The following SLX4IP variants were observed in gnomAD, a reference collection of about 807,000 sequenced individuals.
The protein encoded by SLX4IP is SLX4 interacting protein.
SLX4IP carries 34 observed loss-of-function variants against 32.9 expected under a neutral mutation model. That is an observed-to-expected ratio of 1.03 (90% CI 0.79 to 1.38). SLX4IP has a LOEUF of 1.38. SLX4IP is among the 40% of genes most tolerant of loss of function. The probability of loss-of-function intolerance (pLI) is 0.00; values close to 1 mark genes in which losing one functional copy is unlikely to be tolerated. For synonymous variants in SLX4IP, 172 were observed against 171.7 expected (o/e 1.00, Z -0.01); for missense variants, 444 against 479.0 (o/e 0.93, Z 0.68).
At chr20:10,501,142 A>G (rs2065714632) in intron 2 of SLX4IP, among the ~76,000 whole-genome samples, 1 of 152,196 alleles carries the variant, frequency 6.6e-6, no homozygotes, top group Non-Finnish European at 1.5e-5. Flanking sequence ...AGCCATATGT[A>G]CTTACAATGA....
chr20:10,549,976 A>T (rs1397653154), intron 2 of SLX4IP, among the ~76,000 whole-genome samples: 1 of 152,194 alleles, frequency 6.6e-6, no homozygotes, highest in African/African-American at 2.4e-5. Context: ...TAAAATTCAC[A>T]CTCCAGGAAG....
intron 1 of SLX4IP, among the ~76,000 whole-genome samples, chr20:10,441,911 A>G (rs1421813550): frequency 6.6e-6 from 1 of 152,002 alleles, no homozygotes; most frequent in Non-Finnish European, 1.5e-5. Context: ...ATTCCTTGAT[A>G]TTGGTTGTTT....
At chr20:10,615,665 G>T (rs1024820719) in intron 6 of SLX4IP, among the ~76,000 whole-genome samples, 1 of 152,086 alleles carries the variant, frequency 6.6e-6, no homozygotes, top group African/African-American at 2.4e-5. Context: ...CATTTGTGTT[G>T]CTATAACACA....
intron 2 of SLX4IP, among the ~76,000 whole-genome samples, chr20:10,548,924 T>A (rs925990904): frequency 2.6e-5 from 4 of 152,212 alleles, no homozygotes; most frequent in African/African-American, 9.6e-5. Flanking sequence ...TCCAACAGAA[T>A]GACTCTTTAT....
chr20:10,531,446 A>G (rs922524875), intron 2 of SLX4IP, among the ~76,000 whole-genome samples: 4 of 152,176 alleles, frequency 2.6e-5, no homozygotes, highest in South Asian at 2.1e-4. Context: ...TCAGTCTTCT[A>G]TGACTCTTGT....
chr20:10,477,898 C>CTT (rs35993699), intron 2 of SLX4IP, among the ~76,000 whole-genome samples: 4 of 129,848 alleles, frequency 3.1e-5, no homozygotes, highest in East Asian at 2.2e-4. Context: ...TACAATCTCC[C>CTT]TTTTTTTTTT....
intron 4 of SLX4IP, among the ~76,000 whole-genome samples, chr20:10,572,988 C>T (rs1372548315): frequency 6.6e-6 from 1 of 152,202 alleles, no homozygotes; most frequent in Non-Finnish European, 1.5e-5. Flanking sequence ...ATTGCCAAAA[C>T]AAGCAAATTT....
chr20:10,574,437 A>G (rs2066500201), intron 4 of SLX4IP, among the ~76,000 whole-genome samples: 1 of 152,194 alleles, frequency 6.6e-6, no homozygotes, highest in South Asian at 2.1e-4. Flanking sequence ...CATCAGAAAG[A>G]TAATTTTTCC....
intron 2 of SLX4IP, among the ~76,000 whole-genome samples, chr20:10,511,985 G>A (rs559240937): frequency 4.9e-4 from 74 of 152,352 alleles, no homozygotes; most frequent in African/African-American, 1.6e-3. Context: ...GCATACAAAT[G>A]TGAGATTATG....
At chr20:10,495,281 A>G (rs2065657431) in intron 2 of SLX4IP, among the ~76,000 whole-genome samples, 1 of 152,138 alleles carries the variant, frequency 6.6e-6, no homozygotes, top group African/African-American at 2.4e-5. Flanking sequence ...AAGATTGCAT[A>G]TTAAATTTCT....
chr20:10,502,610 G>T (rs1444153078), intron 2 of SLX4IP, among the ~76,000 whole-genome samples: 2 of 142,784 alleles, frequency 1.4e-5, no homozygotes, highest in Non-Finnish European at 2.9e-5. Flanking sequence ...GATATTTGCA[G>T]CGTGTACTCC....
chr20:10,552,564 G>A (rs2066228376), intron 2 of SLX4IP, among the ~76,000 whole-genome samples: 1 of 152,088 alleles, frequency 6.6e-6, no homozygotes, highest in African/African-American at 2.4e-5. Flanking sequence ...TGCGGGGGAG[G>A]GGACTGCCTG....
At chr20:10,573,646 C>T (rs547868643) in intron 4 of SLX4IP, among the ~76,000 whole-genome samples, 1 of 152,330 alleles carries the variant, frequency 6.6e-6, no homozygotes, top group East Asian at 1.9e-4. Flanking sequence ...AACAGTCAAA[C>T]TGCACAGCAC....
intron 2 of SLX4IP, among the ~76,000 whole-genome samples, chr20:10,545,893 C>T (rs1434474551): frequency 1.3e-5 from 2 of 152,154 alleles, no homozygotes; most frequent in African/African-American, 4.8e-5. Flanking sequence ...CAGGGGTTTT[C>T]TTTGACTCAT....
chr20:10,541,508 A>G (rs1261983520), intron 2 of SLX4IP, among the ~76,000 whole-genome samples: 3 of 152,256 alleles, frequency 2.0e-5, no homozygotes, highest in Non-Finnish European at 4.4e-5. Flanking sequence ...TTAAGTTAAT[A>G]AATTAACTGC....
At chr20:10,558,102 G>A (rs2066287096) in intron 3 of SLX4IP, among the ~76,000 whole-genome samples, 2 of 152,170 alleles carry the variant, frequency 1.3e-5, no homozygotes, top group African/African-American at 4.8e-5. Flanking sequence ...CACTTTGGGA[G>A]CCCAAGGCAG....
At chr20:10,491,753 G>A (rs1462246674) in intron 2 of SLX4IP, among the ~76,000 whole-genome samples, 2 of 152,130 alleles carry the variant, frequency 1.3e-5, no homozygotes, top group Admixed American at 6.5e-5. Flanking sequence ...AGAACTCATT[G>A]TTCAACGTAA....
chr20:10,613,333 C>G (rs545958137), intron 6 of SLX4IP: 1 of 943,532 alleles, frequency 1.1e-6, no homozygotes, highest in East Asian at 2.4e-5. Context: ...GGAAAGACAC[C>G]TTTTCTCAAG....
intron 6 of SLX4IP, chr20:10,613,947 A>T: frequency 8.5e-7 from 1 of 1,179,538 alleles, no homozygotes; most frequent in Admixed American, 1.7e-5. Flanking sequence ...ATCTTGGATG[A>T]GCACAGGAGA....
Sources: gnomAD v4.1 joint callset for allele counts (sites outside exome capture counted in the v4.1 genomes callset) on GRCh38, gnomAD v4.1.1 for gene constraint, MANE v1.5 for transcripts, NCBI Gene and HGNC (gene_info 2026-07-23, HGNC 2026-07-21) for gene names.